Variants in SGCZ observed in about 807,000 individuals in gnomAD.
The protein encoded by SGCZ is sarcoglycan zeta.
In SGCZ, 40 loss-of-function variants were observed where a neutral mutation model predicts 41.3. The ratio of observed to expected loss-of-function variants is 0.97; its 90% CI spans 0.75 to 1.26. SGCZ has a LOEUF of 1.26. Ranked by LOEUF, SGCZ falls within the 50% of genes most tolerant of loss-of-function variation. The pLI is 0.00. For missense variants in SGCZ, 552 were observed against 369.8 expected, an observed-to-expected ratio of 1.49 and a Z score of -4.04; for synonymous variants, 206 against 137.5, an observed-to-expected ratio of 1.50 and a Z score of -3.49.
intron 1 of SGCZ, among the ~76,000 whole-genome samples, chr8:14,732,294 A>G (rs892321192): frequency 3.9e-5 from 6 of 152,090 alleles, no homozygotes; most frequent in African/African-American, 1.4e-4. Flanking sequence ...GATACCATCC[A>G]CCCTGCTAAG....
At chr8:14,249,634 T>C (rs913763072) in intron 3 of SGCZ, among the ~76,000 whole-genome samples, 5 of 152,144 alleles carry the variant, frequency 3.3e-5, no homozygotes, top group Non-Finnish European at 5.9e-5. Context: ...GAGAAGGCAA[T>C]ACTGCAGGAG....
intron 1 of SGCZ, among the ~76,000 whole-genome samples, chr8:14,913,773 A>G (rs920822348): frequency 1.3e-5 from 2 of 151,330 alleles, no homozygotes; most frequent in Non-Finnish European, 3.0e-5. Context: ...CCAGTCACAA[A>G]TCAATGTAGG....
chr8:15,043,955 T>C (rs1270684573), intron 1 of SGCZ, among the ~76,000 whole-genome samples: 1 of 152,094 alleles, frequency 6.6e-6, no homozygotes, highest in East Asian at 1.9e-4. Context: ...AGGTTCTCTC[T>C]GGAAAAGAGT....
At chr8:14,765,866 A>G (rs1800019370) in intron 1 of SGCZ, among the ~76,000 whole-genome samples, 1 of 152,238 alleles carries the variant, frequency 6.6e-6, no homozygotes, top group Non-Finnish European at 1.5e-5. Context: ...AAACATTTAA[A>G]TGAAGCATTC....
At chr8:14,483,972 C>G (rs530291461) in intron 2 of SGCZ, among the ~76,000 whole-genome samples, 25 of 152,104 alleles carry the variant, frequency 1.6e-4, no homozygotes, top group African/African-American at 5.6e-4. Flanking sequence ...CTCTACTTGG[C>G]ATCCAGCCCA....
intron 4 of SGCZ, among the ~76,000 whole-genome samples, chr8:14,215,766 A>T (rs187252077): frequency 1.3e-4 from 20 of 152,344 alleles, no homozygotes; most frequent in Non-Finnish European, 2.1e-4. Flanking sequence ...ACTACATATT[A>T]CCAAAAGCAA....
intron 1 of SGCZ, among the ~76,000 whole-genome samples, chr8:14,814,206 C>G (rs181286442): frequency 6.6e-6 from 1 of 152,080 alleles, no homozygotes. Flanking sequence ...CGTCTCATCT[C>G]AGAACAAATA....
chr8:14,795,240 T>C (rs1458915341), intron 1 of SGCZ, among the ~76,000 whole-genome samples: 3 of 152,242 alleles, frequency 2.0e-5, no homozygotes, highest in Non-Finnish European at 4.4e-5. Flanking sequence ...CATACATATG[T>C]ATATTCACAC....
At chr8:14,683,570 AAC>A (rs1274365762) in intron 1 of SGCZ, among the ~76,000 whole-genome samples, 2 of 152,180 alleles carry the variant, frequency 1.3e-5, no homozygotes, top group African/African-American at 4.8e-5. Flanking sequence ...ATCATTAGAA[AAC>A]AGTTTAAATT....
chr8:14,372,784 A>G (rs539589032), intron 2 of SGCZ, among the ~76,000 whole-genome samples: 20 of 152,248 alleles, frequency 1.3e-4, no homozygotes, highest in Admixed American at 6.5e-4. Context: ...CCAGTGGGAA[A>G]TGAGCCAAGA....
intron 1 of SGCZ, among the ~76,000 whole-genome samples, chr8:14,676,412 GGGAGGCTGAGACAGGA>G (rs1365600034): frequency 2.0e-5 from 3 of 151,410 alleles, no homozygotes; most frequent in Non-Finnish European, 4.4e-5. Flanking sequence ...CTAGCTACTT[GGGAGGCTGAGACAGGA>G]GGATCACTTG....
rs1585458024 is a variant in SGCZ at position 14,401,427 on chromosome 8, T to C, written c.235-77223A>G. 1.1e-4 allele frequency among the ~76,000 whole-genome samples: 11 copies of C among 99,514 alleles called. No homozygotes were observed. The South Asian group carries it at 3.5e-3, about 32-fold the overall frequency. 65.3% of individuals were successfully genotyped at this position (99,514 alleles called of 152,430 possible). ...GCATTAGGTATATCTCCTAAAGCTA[T>C]CCCTCCCCCCTCCCCCCACCCCACA... is the stretch of plus-strand genomic sequence containing the variant. On this transcript the variant is annotated intron_variant, in intron 2 of 7. Coordinates refer to ENST00000382080, the MANE Select transcript of SGCZ (RefSeq NM_139167.4).
chr8:14,681,402 G>C lies in SGCZ; in HGVS notation c.40-126476C>G, dbSNP rs951676971. ...ACAAAAACTATTTTACTAAAAAATAGAAATAGGACTTTTAGAAATATAATG... is the reference window on the plus strand; with the variant it reads ...ACAAAAACTATTTTACTAAAAAATACAAATAGGACTTTTAGAAATATAATG... On this transcript the variant is annotated intron_variant, in intron 1 of 7. Coordinates refer to ENST00000382080, the MANE Select transcript of SGCZ (RefSeq NM_139167.4). 2.6e-5 allele frequency among the ~76,000 whole-genome samples: 4 copies of C among 152,126 alleles called. No homozygotes were observed. The East Asian group carries it at 7.7e-4, about 29-fold the overall frequency.
chr8:14,738,442 T>A (rs1412868466), intron 1 of SGCZ, among the ~76,000 whole-genome samples: 2 of 152,074 alleles, frequency 1.3e-5, no homozygotes, highest in East Asian at 1.9e-4. Flanking sequence ...TAGACCCAAC[T>A]GATTAAAAAA....
At chr8:14,570,580 T>C (rs941053035) in intron 1 of SGCZ, among the ~76,000 whole-genome samples, 2 of 152,226 alleles carry the variant, frequency 1.3e-5, no homozygotes, top group Admixed American at 1.3e-4. Context: ...TCAGTGAATA[T>C]ATTTTCTAAG....
intron 1 of SGCZ, among the ~76,000 whole-genome samples, chr8:15,035,619 GA>G (rs1803847727): frequency 6.6e-6 from 1 of 151,918 alleles, no homozygotes; most frequent in South Asian, 2.1e-4. Context: ...AACCTTTCAG[GA>G]CACACAGACT....
At chr8:14,315,852 A>G (rs1801696772) in intron 3 of SGCZ, among the ~76,000 whole-genome samples, 1 of 151,674 alleles carries the variant, frequency 6.6e-6, no homozygotes, top group Non-Finnish European at 1.5e-5. Context: ...ATAAAAAAAA[A>G]TATAGTAGGA....
At chr8:14,586,212 T>A (rs1295381744) in intron 1 of SGCZ, among the ~76,000 whole-genome samples, 1 of 152,058 alleles carries the variant, frequency 6.6e-6, no homozygotes, top group African/African-American at 2.4e-5. Context: ...TGGGTTTTTG[T>A]TTGTTTTGTT....
chr8:15,076,904 G>A (rs1805554083), intron 1 of SGCZ, among the ~76,000 whole-genome samples: 1 of 151,968 alleles, frequency 6.6e-6, no homozygotes, highest in Non-Finnish European at 1.5e-5. Flanking sequence ...TACCATTTTG[G>A]CAAAAACCTT....
Sources: gnomAD v4.1 joint callset for allele counts (sites outside exome capture counted in the v4.1 genomes callset) on GRCh38, gnomAD v4.1.1 for gene constraint, MANE v1.5 for transcripts, NCBI Gene and HGNC (gene_info 2026-07-23, HGNC 2026-07-21) for gene names.